The following ALCAM variants were observed in gnomAD, a reference collection of about 807,000 sequenced individuals.
The protein encoded by ALCAM is activated leukocyte cell adhesion molecule.
In ALCAM, 30 loss-of-function variants were observed where a neutral mutation model predicts 70.9. The observed-to-expected ratio is 0.42, with a 90% CI of 0.32 to 0.57. The LOEUF (loss-of-function observed/expected upper bound fraction) is 0.57. Among genes scored for constraint, ALCAM ranks in the 20% least tolerant of loss-of-function variants. The pLI is 0.11. For missense variants in ALCAM, 591 were observed against 695.1 expected (o/e 0.85, Z 1.68); for synonymous variants, 249 against 242.5 (o/e 1.03, Z -0.25).
chr3:105,549,184 G>T (rs372932829), intron 11 of ALCAM, among the ~76,000 whole-genome samples: 7 of 151,396 alleles, frequency 4.6e-5, no homozygotes, highest in Admixed American at 4.0e-4. Flanking sequence ...CTGGCCCACT[G>T]GGTGATATGT....
chr3:105,513,013 G>C (rs550722788), intron 1 of ALCAM, among the ~76,000 whole-genome samples: 1 of 151,866 alleles, frequency 6.6e-6, no homozygotes, highest in South Asian at 2.1e-4. Context: ...AAACAAAATA[G>C]AGGCGATTGT....
chr3:105,576,641 A>G lies in ALCAM; in HGVS notation c.*2190A>G, dbSNP rs1940967134. 1 of 152,382 alleles carries G rather than the reference A, an allele frequency of 6.6e-6. No homozygotes were observed. Among genetic ancestry groups the G allele is most frequent in the South Asian group, 2.1e-4 (1 of 4,826 alleles). 9.4% of individuals were successfully genotyped at this position (152,382 alleles called of 1,614,324 possible). A position where few individuals can be genotyped will look rare whatever the true frequency, so the allele number is the denominator to read the frequency against. ...CGGGAAAAAAAAAGACAACATTATT[A>G]CCATCGATTCAGTGCCTGGATAAAG... On this transcript the variant is annotated 3_prime_UTR_variant, in exon 16 of 16. Transcript: ENST00000306107.
chr3:105,389,255 G>A (rs561727141), intron 1 of ALCAM, among the ~76,000 whole-genome samples: 30 of 151,046 alleles, frequency 2.0e-4, no homozygotes, highest in African/African-American at 6.3e-4. Flanking sequence ...TTAAAAATAC[G>A]GGATGAAAGT....
intron 1 of ALCAM, among the ~76,000 whole-genome samples, chr3:105,442,881 G>A (rs1388995337): frequency 6.6e-6 from 1 of 152,162 alleles, no homozygotes; most frequent in African/African-American, 2.4e-5. Flanking sequence ...GTTGCGCATG[G>A]TGAAGTATAG....
intron 1 of ALCAM, among the ~76,000 whole-genome samples, chr3:105,447,467 G>A (rs1172377073): frequency 2.0e-5 from 3 of 152,208 alleles, no homozygotes; most frequent in Non-Finnish European, 4.4e-5. Context: ...GAGAGGCCAA[G>A]GCAAGTGGAT....
chr3:105,530,980 A>G (rs1227434723), intron 3 of ALCAM, among the ~76,000 whole-genome samples: 1 of 152,092 alleles, frequency 6.6e-6, no homozygotes, highest in African/African-American at 2.4e-5. Context: ...ATCAAAATTA[A>G]AAGTATTAGG....
chr3:105,386,131 A>C (rs1469629956), intron 1 of ALCAM, among the ~76,000 whole-genome samples: 2 of 151,670 alleles, frequency 1.3e-5, no homozygotes, highest in Non-Finnish European at 3.0e-5. Flanking sequence ...TTCCAAGACT[A>C]TAGAGGAAGT....
intron 1 of ALCAM, among the ~76,000 whole-genome samples, chr3:105,429,563 C>G (rs1463824354): frequency 6.6e-6 from 1 of 151,916 alleles, no homozygotes; most frequent in Non-Finnish European, 1.5e-5. Flanking sequence ...TAAGCTAGCA[C>G]TATAAACAAA....
rs749625480 is a variant in ALCAM at position 105,563,667 on chromosome 3, C to CTTTTTTTTTTTTTTTTTTTT, written c.1665-8173_1665-8154dup. Among the ~76,000 whole-genome samples the CTTTTTTTTTTTTTTTTTTTT allele has an allele frequency of 3.3e-4, 17 of 52,046 alleles. 2 individuals carry two copies. Among genetic ancestry groups the CTTTTTTTTTTTTTTTTTTTT allele is most frequent in the Non-Finnish European group, 4.6e-4 (15 of 32,788 alleles). The allele number at this position is 52,046 out of a possible 152,430, so 34.1% of individuals were successfully genotyped here. A position where few individuals can be genotyped will look rare whatever the true frequency, so the allele number is the denominator to read the frequency against. On this transcript the variant is annotated intron_variant, in intron 14 of 15. Coordinates refer to ENST00000306107, the MANE Select transcript of ALCAM (RefSeq NM_001627.4). ...GACCTGTATGAAATTCCAAGCATTTCTTTTTTTTTTTTTTTTTTTTTTTTT... is the reference window on the plus strand; with the variant it reads ...GACCTGTATGAAATTCCAAGCATTTCTTTTTTTTTTTTTTTTTTTTTTTTTTTTTTTTTTTTTTTTTTTTT...
chr3:105,466,208 G>A (rs971598713), intron 1 of ALCAM, among the ~76,000 whole-genome samples: 1 of 151,274 alleles, frequency 6.6e-6, no homozygotes, highest in Non-Finnish European at 1.5e-5. Context: ...CTGTCCTTGT[G>A]GGTCTAGATT....
intron 2 of ALCAM, among the ~76,000 whole-genome samples, chr3:105,523,457 T>G (rs1321900051): frequency 6.6e-6 from 1 of 152,218 alleles, no homozygotes; most frequent in Non-Finnish European, 1.5e-5. Flanking sequence ...CTAAAATTTG[T>G]CATGGACTAT....
chr3:105,517,138 G>A (rs1053666746), intron 1 of ALCAM, among the ~76,000 whole-genome samples: 4 of 151,954 alleles, frequency 2.6e-5, no homozygotes, highest in Non-Finnish European at 4.4e-5. Flanking sequence ...TCTTTGTAGC[G>A]ACTTTATCCC....
At chr3:105,546,788 T>C (rs1940258594) in intron 9 of ALCAM, among the ~76,000 whole-genome samples, 1 of 151,396 alleles carries the variant, frequency 6.6e-6, no homozygotes, top group African/African-American at 2.4e-5. Flanking sequence ...AATCTTAGGA[T>C]TGTGTCTAGT....
intron 1 of ALCAM, among the ~76,000 whole-genome samples, chr3:105,503,180 C>G (rs76416303): frequency 0.13 from 19,841 of 152,184 alleles, 1,356 homozygotes; most frequent in Middle Eastern, 0.18. Context: ...TTTAGAAATC[C>G]AAGCACCTAA....
At chr3:105,439,796 T>A (rs1937131517) in intron 1 of ALCAM, among the ~76,000 whole-genome samples, 1 of 152,168 alleles carries the variant, frequency 6.6e-6, no homozygotes. Context: ...GAAGGAGTCT[T>A]CCAGGCTGAA....
intron 1 of ALCAM, among the ~76,000 whole-genome samples, chr3:105,443,259 T>C (rs1183236845): frequency 2.0e-5 from 3 of 152,188 alleles, no homozygotes; most frequent in Non-Finnish European, 4.4e-5. Flanking sequence ...AAGACATGCC[T>C]ATATTCCCAG....
At chr3:105,440,155 C>A (rs1053799843) in intron 1 of ALCAM, among the ~76,000 whole-genome samples, 1 of 152,052 alleles carries the variant, frequency 6.6e-6, no homozygotes, top group Admixed American at 6.5e-5. Flanking sequence ...CAGGAAAAAA[C>A]CAAGTCATAA....
chr3:105,550,124 C>T lies in ALCAM; in HGVS notation c.1375-3C>T, dbSNP rs369722156. The T allele has an allele frequency of 3.0e-5, 47 of 1,573,430 alleles. No homozygotes were observed. Among genetic ancestry groups the T allele is most frequent in the Non-Finnish European group, 4.0e-5 (46 of 1,155,186 alleles). Reference sequence around the variant, plus strand: ...AAACCCACCTTTTTTCTTCTTTTTCCAGACAGAGGAATCTCCTTATATTAA... The same window carrying T: ...AAACCCACCTTTTTTCTTCTTTTTCTAGACAGAGGAATCTCCTTATATTAA... On this transcript the variant is annotated splice_region_variant and splice_polypyrimidine_tract_variant and intron_variant, in intron 11 of 15. Coordinates refer to ENST00000306107, the MANE Select transcript of ALCAM (RefSeq NM_001627.4).
At chr3:105,409,808 T>C (rs1480666102) in intron 1 of ALCAM, among the ~76,000 whole-genome samples, 1 of 152,104 alleles carries the variant, frequency 6.6e-6, no homozygotes, top group East Asian at 1.9e-4. Context: ...TTGGGCCAGA[T>C]TGATCTGTAT....
Sources: allele counts gnomAD v4.1 joint callset (sites outside exome capture counted in the v4.1 genomes callset), GRCh38; gene constraint gnomAD v4.1.1; transcripts MANE v1.5; gene names NCBI Gene and HGNC (gene_info 2026-07-23, HGNC 2026-07-21).